PTPN23: variants seen among roughly 807,000 people sequenced by gnomAD.
PTPN23 encodes tyrosine-protein phosphatase non-receptor type 23.
PTPN23 carries 72 observed loss-of-function variants against 156.3 expected under a neutral mutation model. The observed-to-expected ratio is 0.46, with a 90% CI of 0.38 to 0.56. The LOEUF is 0.56. Ranked by LOEUF, PTPN23 falls within the 20% of genes least tolerant of loss-of-function variation. The pLI, the probability that PTPN23 is intolerant of heterozygous loss-of-function variation, is 0.00. For missense variants in PTPN23, 1,974 were observed against 2,171.5 expected, an observed-to-expected ratio of 0.91 and a Z score of 1.81; for synonymous variants, 957 against 899.6, an observed-to-expected ratio of 1.06 and a Z score of -1.14.
At chr3:47,386,626 A>G (rs1054937308) in intron 1 of PTPN23, among the ~76,000 whole-genome samples, 1 of 152,202 alleles carries the variant, frequency 6.6e-6, no homozygotes, top group African/African-American at 2.4e-5. Flanking sequence ...ACATACACAG[A>G]CACATACATA....
chr3:47,386,662 C>A (rs1347777778), intron 1 of PTPN23, among the ~76,000 whole-genome samples: 1 of 152,124 alleles, frequency 6.6e-6, no homozygotes, highest in East Asian at 1.9e-4. Flanking sequence ...GGACTAGAGG[C>A]CTAAAAGGCC....
At chr3:47,388,616 T>C (rs1704702350) in intron 1 of PTPN23, among the ~76,000 whole-genome samples, 1 of 151,384 alleles carries the variant, frequency 6.6e-6, no homozygotes. Context: ...TTAAATGTAA[T>C]AAATTATTGC....
chr3:47,411,043 C>A lies in PTPN23; in HGVS notation c.3245C>A (p.Pro1082His), dbSNP rs1221093968. 3 of 1,587,404 alleles carry A rather than the reference C, an allele frequency of 1.9e-6. No homozygotes were observed. Among genetic ancestry groups the A allele is most frequent in the Admixed American group, 1.7e-5 (1 of 57,768 alleles). The stretch of plus-strand genomic sequence containing the variant: ...TCTGCTGGCCAGTCCACCCCTAGTC[C>A]CCACCTGGTGCCTTCACCTGCCCCA... ...PSSAGQSTPS[P>H]HLVPSPAPSP... The change falls in exon 20 of 25, where the codon CCC becomes CAC. Residue 1082 changes from proline (P) to histidine (H), a missense_variant. Pro to His is a moderately conservative substitution (Grantham distance 77, BLOSUM62 -2). Around this residue, in one of 4 missense-constraint regions of PTPN23, gnomAD observed 731 missense variants for 669.1 expected, o/e 1.09. Transcript: ENST00000265562. The surrounding 1 kb of genome is among the most constrained non-coding windows in gnomAD (Gnocchi z 6.3).
chr3:47,410,378 C>T lies in PTPN23; in HGVS notation c.2580C>T (p.Leu860=). ...GGCCGGCCCCACCAGTTGCAGGTCT[C>T]CCCTCGGCCCCACCTCCTCAATTCT... ...GVGPAPPVAG[L]PSAPPPQFSG... The change falls in exon 20 of 25, where the codon CTC becomes CTT. Residue 860 remains leucine, a synonymous_variant. Transcript: ENST00000265562. The T allele has an allele frequency of 6.2e-7, 1 of 1,610,908 alleles. No homozygotes were observed.
chr3:47,407,692 C>G lies in PTPN23; in HGVS notation c.1004-5C>G, dbSNP rs750116086. The G allele has an allele frequency of 3.1e-6, 5 of 1,612,814 alleles. No individual in the cohort carries two copies. The highest frequency in any genetic ancestry group is 4.5e-5 in the East Asian group (2 of 44,870). On this transcript the variant is annotated splice_region_variant and splice_polypyrimidine_tract_variant and intron_variant, in intron 12 of 24. Transcript: ENST00000265562. The surrounding 1 kb of genome is among the most constrained non-coding windows in gnomAD (Gnocchi z 4.0). ...GCCTGATCTCCACAATTCCCACCCC[C>G]CCAGGAGCCCCCTTGGTGAAGCCCT...
chr3:47,406,104 G>C lies in PTPN23; in HGVS notation c.546+58G>C. On this transcript the variant is annotated intron_variant, in intron 6 of 24. Transcript: ENST00000265562. The surrounding 1 kb of genome is among the most constrained non-coding windows in gnomAD (Gnocchi z 5.8). Reference sequence around the variant, plus strand: ...ATCCAGGGAAGGGGATGGCCAGGGAGGGGGCAGTTGGGCCTGGATCCTGGA... The same window carrying C: ...ATCCAGGGAAGGGGATGGCCAGGGACGGGGCAGTTGGGCCTGGATCCTGGA... The C allele has an allele frequency of 6.3e-7, 1 of 1,585,650 alleles. No homozygotes were observed. The highest frequency in any genetic ancestry group is 1.1e-5 in the South Asian group (1 of 87,460).
chr3:47,381,277 C>A, intron 1 of PTPN23, 97 bp downstream of exon 1: 1 of 1,494,348 alleles, frequency 6.7e-7, no homozygotes, highest in Non-Finnish European at 9.1e-7. Flanking sequence ...TCCTCAGGCC[C>A]GGTCGCAGGG....
At position 47,407,246 on chromosome 3, in the gene PTPN23, G is replaced by C; in HGVS notation, c.864+60G>C. On this transcript the variant is annotated intron_variant, in intron 10 of 24. Coordinates refer to ENST00000265562, the MANE Select transcript of PTPN23 (RefSeq NM_015466.4). The surrounding 1 kb of genome is among the most constrained non-coding windows in gnomAD (Gnocchi z 4.0). The stretch of plus-strand genomic sequence containing the variant: ...ATAGGAGCAAGCCCGGTAGGACTGA[G>C]GGGGTGTCCTGGTGCCAGCCTTGGT... 1 of 1,613,458 alleles carries C rather than the reference G, an allele frequency of 6.2e-7. No homozygotes were observed. The highest frequency in any genetic ancestry group is 8.5e-7 in the Non-Finnish European group (1 of 1,179,472).
chr3:47,409,544 G>T lies in PTPN23; in HGVS notation c.1925G>T (p.Arg642Leu). 6.2e-7 allele frequency: 1 copy of T among 1,613,780 alleles called. No individual in the cohort carries two copies. Among genetic ancestry groups the T allele is most frequent in the Non-Finnish European group, 8.5e-7 (1 of 1,179,840 alleles). The change falls in exon 18 of 25, where the codon CGG becomes CTG. Residue 642 changes from arginine to leucine, a missense_variant. Arg to Leu is a moderately radical substitution (Grantham distance 102). Around this residue, in one of 4 missense-constraint regions of PTPN23, gnomAD observed 726 missense variants for 929.5 expected, o/e 0.78. Transcript: ENST00000265562. ...EANVQYAAVR[R>L]VLSDLDQKWN... ...AACGTGCAGTACGCAGCCGTGCGGC[G>T]GGTACTCAGCGACTTGGACCAAAAG...
rs147959396 is a variant in PTPN23 at position 47,412,169 on chromosome 3, G to A, written c.4149G>A (p.Pro1383=). The A allele has an allele frequency of 1.5e-5, 24 of 1,613,028 alleles. No individual in the cohort carries two copies. In the Admixed American group the frequency reaches 2.5e-4, roughly 17 times the overall value. Residue 1383 remains proline, a synonymous_variant, in exon 22 of 25, where the codon CCG becomes CCA. Transcript: ENST00000265562. Reference sequence around the variant, plus strand: ...ACGCACATTACCTGCATCAGCGGCCGCTGCACACGCCCATCATTGTGCACT... The same window carrying A: ...ACGCACATTACCTGCATCAGCGGCCACTGCACACGCCCATCATTGTGCACT... ...EVHAHYLHQR[P]LHTPIIVHCS...
In PTPN23 at chr3:47,387,570, CAAA is replaced by C. The variant is rs10548678; in HGVS notation, c.84+6405_84+6407del. On this transcript the variant is annotated intron_variant, in intron 1 of 24. Coordinates refer to ENST00000265562, the MANE Select transcript of PTPN23 (RefSeq NM_015466.4). Reference sequence around the variant, plus strand: ...AGCCTGGGTGTCAGAGACCCTGTCTCAAAAAAAAAAAAAAAAAGTTTGTTTCTT... The same window carrying C: ...AGCCTGGGTGTCAGAGACCCTGTCTCAAAAAAAAAAAAAAGTTTGTTTCTT... 2.3e-3 allele frequency among the ~76,000 whole-genome samples: 311 copies of C among 135,542 alleles called. 1 individual carries two copies. Among genetic ancestry groups the C allele is most frequent in the East Asian group, 0.019 (90 of 4,690 alleles). The allele number at this position is 135,542 out of a possible 152,430, so 88.9% of individuals were successfully genotyped here.
Position 47,413,218 on chromosome 3 carries a change from TC to T in PTPN23, c.*34del. ...TTGCCTACCTGGTCCTTACACTACA[TC>T]ATCATCATCTCATGCCCACCTGCCC... On this transcript the variant is annotated 3_prime_UTR_variant, in exon 25 of 25. Coordinates refer to ENST00000265562, the MANE Select transcript of PTPN23 (RefSeq NM_015466.4). 1.4e-6 allele frequency: 2 copies of T among 1,456,422 alleles called. No individual in the cohort carries two copies. The highest frequency in any genetic ancestry group is 1.9e-6 in the Non-Finnish European group (2 of 1,062,304). The allele number at this position is 1,456,422 out of a possible 1,614,324, so 90.2% of individuals were successfully genotyped here. A position where few individuals can be genotyped will look rare whatever the true frequency, so the allele number is the denominator to read the frequency against.
chr3:47,401,227 C>T (rs1704988566), intron 2 of PTPN23, among the ~76,000 whole-genome samples: 1 of 152,016 alleles, frequency 6.6e-6, no homozygotes, highest in African/African-American at 2.4e-5. Flanking sequence ...GAGATAGGGT[C>T]TCACTCTGTT....
Position 47,406,822 on chromosome 3 carries a change from T to C in PTPN23, c.807+72T>C. The C allele has an allele frequency of 6.3e-7, 1 of 1,575,714 alleles. No individual in the cohort carries two copies. The highest frequency in any genetic ancestry group is 8.7e-7 in the Non-Finnish European group (1 of 1,154,482). ...TGAGATGCCGGTGTGCTCCCGCTCC[T>C]TACACACCAGGGGGTGGCCTTCTCT... is the stretch of plus-strand genomic sequence containing the variant. On this transcript the variant is annotated intron_variant, in intron 9 of 24. Coordinates refer to ENST00000265562, the MANE Select transcript of PTPN23 (RefSeq NM_015466.4). This position sits in a 1 kb window ranked among gnomAD's most constrained non-coding sequence, Gnocchi z 5.8.
chr3:47,412,063 A>AGGCTCTTCCTGGCCCCATC, intron 21 of PTPN23, 31 bp from the exon 22 acceptor site: 1 of 1,612,130 alleles, frequency 6.2e-7, no homozygotes, highest in Non-Finnish European at 8.5e-7. Flanking sequence ...CCTGGCTCAT[A>AGGCTCTTCCTGGCCCCATC]GGCTCTTCCT....
chr3:47,381,079 C>A lies in PTPN23; in HGVS notation c.-18C>A. The A allele has an allele frequency of 6.4e-7, 1 of 1,559,144 alleles. No individual in the cohort carries two copies. On this transcript the variant is annotated 5_prime_UTR_variant, in exon 1 of 25. Transcript: ENST00000265562. ...GCAGCTACGGGAGTGGCCGGGTGGC[C>A]GGCGGGTGCCAGCCGCCATGGAGGC...
chr3:47,382,096 G>T (rs1180690330), intron 1 of PTPN23, among the ~76,000 whole-genome samples: 2 of 152,174 alleles, frequency 1.3e-5, no homozygotes, highest in Non-Finnish European at 2.9e-5. Flanking sequence ...TTAGCGAGAC[G>T]CTTGGGAAGA....
Position 47,407,806 on chromosome 3 carries a change from G to GTACA in PTPN23, c.1114_1117dup (p.Ser373IlefsTer3), listed in dbSNP as rs1559526036. ...TGGCTGCCCACGAGGCCTCGTCACT[G>GTACA]TACAGGTGGGTGGAGGGTGGCACAG... is the stretch of plus-strand genomic sequence containing the variant. On this transcript the variant is annotated frameshift_variant, in exon 13 of 25. Coordinates refer to ENST00000265562, the MANE Select transcript of PTPN23 (RefSeq NM_015466.4). LOFTEE classifies it high-confidence loss of function. The surrounding 1 kb of genome is among the most constrained non-coding windows in gnomAD (Gnocchi z 4.0). 6.2e-7 allele frequency: 1 copy of GTACA among 1,614,114 alleles called. No individual in the cohort carries two copies.
chr3:47,408,627 G>T, intron 15 of PTPN23, 137 bp downstream of exon 15: 1 of 1,417,900 alleles, frequency 7.1e-7, no homozygotes, highest in Non-Finnish European at 9.6e-7. Flanking sequence ...CCACTCCTCT[G>T]AATCAGCATA....
Sources: gnomAD v4.1 joint callset for allele counts (sites outside exome capture counted in the v4.1 genomes callset) on GRCh38, gnomAD v4.1.1 for gene constraint, gnomAD v4.1.1 regional missense constraint, Gnocchi (gnomAD v3.1) non-coding constraint, MANE v1.5 for transcripts, NCBI Gene and HGNC (gene_info 2026-07-23, HGNC 2026-07-21) for gene names.